The following NTM variants were observed in gnomAD, a reference collection of about 807,000 sequenced individuals.
NTM encodes the protein neurotrimin.
A neutral mutation model predicts 42.1 loss-of-function variants in NTM; 13 were observed. That is an observed-to-expected ratio of 0.31 (90% CI 0.20 to 0.49). The LOEUF (loss-of-function observed/expected upper bound fraction) is 0.49, where lower values mean the gene tolerates loss of function less well. Among genes scored for constraint, NTM ranks in the 20% least tolerant of loss-of-function variants. The pLI, the probability that NTM is intolerant of heterozygous loss-of-function variation, is 0.99. For synonymous variants in NTM, 187 were observed against 179.2 expected, an observed-to-expected ratio of 1.04 and a Z score of -0.35; for missense variants, 373 against 452.8, an observed-to-expected ratio of 0.82 and a Z score of 1.60.
At chr11:131,532,966 G>T (rs1431946308) in intron 1 of NTM, among the ~76,000 whole-genome samples, 1 of 152,058 alleles carries the variant, frequency 6.6e-6, no homozygotes, top group African/African-American at 2.4e-5. Context: ...ACTACCAGGA[G>T]ATCTAGTATT....
At chr11:131,677,135 G>A (rs2071569135) in intron 1 of NTM, among the ~76,000 whole-genome samples, 1 of 152,168 alleles carries the variant, frequency 6.6e-6, no homozygotes, top group Non-Finnish European at 1.5e-5. Flanking sequence ...CTGTGCCCTG[G>A]TGGCCTCAGG....
intron 2 of NTM, among the ~76,000 whole-genome samples, chr11:132,001,523 A>G (rs1211938135): frequency 6.6e-6 from 1 of 152,098 alleles, no homozygotes; most frequent in Non-Finnish European, 1.5e-5. Context: ...GGAAGCTTTC[A>G]ACCATGGCAA....
At chr11:131,842,919 G>A (rs1232506148) in intron 1 of NTM, among the ~76,000 whole-genome samples, 1 of 152,034 alleles carries the variant, frequency 6.6e-6, no homozygotes. Flanking sequence ...ACTGAAGCAG[G>A]AGAATCACTT....
chr11:131,600,567 C>A (rs1217008549), intron 1 of NTM, among the ~76,000 whole-genome samples: 1 of 152,184 alleles, frequency 6.6e-6, no homozygotes, highest in East Asian at 1.9e-4. Context: ...ATTATGGCCC[C>A]TGCCTCCCAG....
Position 131,789,636 on chromosome 11 carries a change from A to AGGAGAAGGAGAAGGAG in NTM, c.83-121928_83-121927insGGAGAAGGAGAAGGAG, listed in dbSNP as rs1555127949. 2.9e-3 allele frequency among the ~76,000 whole-genome samples: 90 copies of AGGAGAAGGAGAAGGAG among 30,900 alleles called. 8 individuals carry two copies. The highest frequency in any genetic ancestry group is 5.1e-3 in the Non-Finnish European group (70 of 13,758). The allele number at this position is 30,900 out of a possible 152,430, so 20.3% of individuals were successfully genotyped here. On this transcript the variant is annotated intron_variant, in intron 1 of 8. Transcript: ENST00000683400. ...AAGAAGAAGAAGAAGAAGAAGAAGAAAAGAAGAAGAAGAAGAAGAAGAAGA... is the reference window on the plus strand; with the variant it reads ...AAGAAGAAGAAGAAGAAGAAGAAGAAGGAGAAGGAGAAGGAGAAGAAGAAGAAGAAGAAGAAGAAGA...
chr11:132,118,752 A>C (rs1357043221), intron 2 of NTM, among the ~76,000 whole-genome samples: 1 of 152,228 alleles, frequency 6.6e-6, no homozygotes, highest in East Asian at 1.9e-4. Context: ...TATTCAAATG[A>C]GATCGCAGCG....
chr11:131,954,139 A>G (rs1473943858), intron 2 of NTM, among the ~76,000 whole-genome samples: 2 of 152,182 alleles, frequency 1.3e-5, no homozygotes, highest in African/African-American at 4.8e-5. Context: ...CAACCACCTG[A>G]GAGGATGTCT....
At chr11:131,949,378 T>G (rs1224049873) in intron 2 of NTM, among the ~76,000 whole-genome samples, 2 of 152,240 alleles carry the variant, frequency 1.3e-5, no homozygotes, top group African/African-American at 4.8e-5. Flanking sequence ...CACTAAAACC[T>G]AAGCTCATAA....
chr11:131,665,484 T>A (rs2068881575), intron 1 of NTM, among the ~76,000 whole-genome samples: 1 of 152,134 alleles, frequency 6.6e-6, no homozygotes, highest in Non-Finnish European at 1.5e-5. Context: ...AAAGAGGTCA[T>A]ATGGCTAGGA....
chr11:132,172,467 C>A (rs2076241708), intron 3 of NTM, among the ~76,000 whole-genome samples: 1 of 152,136 alleles, frequency 6.6e-6, no homozygotes, highest in South Asian at 2.1e-4. Context: ...CTTTAAAGGA[C>A]AGGATGTGGG....
intron 1 of NTM, among the ~76,000 whole-genome samples, chr11:131,391,645 A>T: frequency 4.4e-5 from 1 of 22,574 alleles, no homozygotes; most frequent in African/African-American, 7.1e-5. Context: ...TTTATCTGGG[A>T]AAAAAAAAAA....
chr11:131,530,552 CTG>C lies in NTM; in HGVS notation c.82+159667_82+159668del, dbSNP rs1310584708. ...TTCCCCACTATAGGGAGGGCTGGAACTGTGAACAAAAGCCCTATGATTCACCC... is the reference window on the plus strand; with the variant it reads ...TTCCCCACTATAGGGAGGGCTGGAACTGAACAAAAGCCCTATGATTCACCC... On this transcript the variant is annotated intron_variant, in intron 1 of 8. Transcript: ENST00000683400. Among the ~76,000 whole-genome samples the C allele has an allele frequency of 3.3e-5, 5 of 152,056 alleles. No homozygotes were observed. The East Asian group carries it at 9.6e-4, about 29-fold the overall frequency.
chr11:131,413,674 A>T (rs1946656709), intron 1 of NTM, among the ~76,000 whole-genome samples: 1 of 152,214 alleles, frequency 6.6e-6, no homozygotes, highest in Admixed American at 6.5e-5. Context: ...GGGTTGCCAA[A>T]CCTAGGGATG....
At chr11:131,981,840 A>G (rs2065283377) in intron 2 of NTM, among the ~76,000 whole-genome samples, 1 of 151,960 alleles carries the variant, frequency 6.6e-6, no homozygotes, top group Non-Finnish European at 1.5e-5. Context: ...GCGAAACCCC[A>G]TCTCTACTAA....
chr11:132,222,911 A>G (rs769221145), intron 4 of NTM, among the ~76,000 whole-genome samples: 3 of 152,110 alleles, frequency 2.0e-5, no homozygotes, highest in Admixed American at 6.5e-5. Flanking sequence ...TTCCTCCCCT[A>G]ATTCCTTTCA....
Position 131,560,575 on chromosome 11 carries a change from A to G in NTM, c.82+189687A>G, listed in dbSNP as rs141463312. 2.7e-4 allele frequency among the ~76,000 whole-genome samples: 41 copies of G among 152,284 alleles called. 1 individual carries two copies. In the East Asian group the frequency reaches 6.8e-3, roughly 25 times the overall value. ...GATTGGCTTCCTACATGCTTTATTC[A>G]TTCTGCTGACTCCTCCCTTCCTCCT... On this transcript the variant is annotated intron_variant, in intron 1 of 8. Coordinates refer to ENST00000683400, the MANE Select transcript of NTM (RefSeq NM_001352005.2).
chr11:131,780,113 G>A (rs1412442383), intron 1 of NTM, among the ~76,000 whole-genome samples: 1 of 152,138 alleles, frequency 6.6e-6, no homozygotes, highest in East Asian at 1.9e-4. Flanking sequence ...ATAATGAAAT[G>A]GTTTAAGTTG....
At chr11:131,793,886 C>T (rs1341621951) in intron 1 of NTM, among the ~76,000 whole-genome samples, 1 of 152,056 alleles carries the variant, frequency 6.6e-6, no homozygotes, top group African/African-American at 2.4e-5. Context: ...CATTTCTATA[C>T]CAAAGAAAGG....
At chr11:131,452,982 T>C (rs1248743805) in intron 1 of NTM, among the ~76,000 whole-genome samples, 2 of 152,224 alleles carry the variant, frequency 1.3e-5, no homozygotes, top group Admixed American at 1.3e-4. Flanking sequence ...TGCACGACTC[T>C]GGTTTCTTTT....
Sources: allele counts gnomAD v4.1 joint callset (sites outside exome capture counted in the v4.1 genomes callset), GRCh38; gene constraint gnomAD v4.1.1; transcripts MANE v1.5; gene names NCBI Gene and HGNC (gene_info 2026-07-23, HGNC 2026-07-21).